Variants in LINGO2 observed in about 807,000 individuals in gnomAD.
LINGO2 encodes leucine-rich repeat and immunoglobulin-like domain-containing nogo receptor-interacting protein 2.
In LINGO2, 14 loss-of-function variants were observed where a neutral mutation model predicts 30.6. The observed-to-expected ratio is 0.46, with a 90% CI of 0.30 to 0.72. The LOEUF is 0.72. Among genes scored for constraint, LINGO2 ranks in the 30% least tolerant of loss-of-function variants. The pLI, the probability that LINGO2 is intolerant of heterozygous loss-of-function variation, is 0.07. For synonymous variants in LINGO2, 317 were observed against 288.5 expected (o/e 1.10, Z -1.00); for missense variants, 729 against 751.7 (o/e 0.97, Z 0.35).
chr9:28,239,019 A>C (rs1821681683), intron 4 of LINGO2, among the ~76,000 whole-genome samples: 1 of 152,188 alleles, frequency 6.6e-6, no homozygotes, highest in African/African-American at 2.4e-5. Flanking sequence ...TCAACTAAAT[A>C]CCAATAAATG....
intron 4 of LINGO2, among the ~76,000 whole-genome samples, chr9:28,107,103 T>G (rs1055871463): frequency 6.6e-6 from 1 of 152,134 alleles, no homozygotes; most frequent in Non-Finnish European, 1.5e-5. Flanking sequence ...ATGGTTTCCT[T>G]GTCTTCCCAA....
the LINGO2 span, among the ~76,000 whole-genome samples, chr9:28,893,749 T>C: frequency 3.3e-5 from 5 of 151,884 alleles, no homozygotes; most frequent in Non-Finnish European, 1.5e-5. Flanking sequence ...AATGGTTTGA[T>C]TTTTTTTAAT....
chr9:28,479,568 A>C (rs984117145), intron 1 of LINGO2, among the ~76,000 whole-genome samples: 2 of 151,914 alleles, frequency 1.3e-5, no homozygotes, highest in African/African-American at 4.8e-5. Flanking sequence ...CAATTTTGAA[A>C]GAATGAAATA....
intron 4 of LINGO2, among the ~76,000 whole-genome samples, chr9:28,278,670 A>G (rs1240329865): frequency 6.6e-6 from 1 of 152,194 alleles, no homozygotes; most frequent in African/African-American, 2.4e-5. Flanking sequence ...CTTACAAAAT[A>G]TTACTGTTCA....
intron 4 of LINGO2, among the ~76,000 whole-genome samples, chr9:28,276,044 C>T (rs890210550): frequency 2.0e-5 from 3 of 152,092 alleles, no homozygotes; most frequent in African/African-American, 7.2e-5. Context: ...ATAGTACTTA[C>T]CTCAGAGAGC....
chr9:28,797,343 TATATATATATATATATAGAGAGAG>T, the LINGO2 span, among the ~76,000 whole-genome samples: 105 of 72,118 alleles, frequency 1.5e-3, 1 homozygote, highest in African/African-American at 4.6e-3. Flanking sequence ...TATATATATA[TATATATATATATATATAGAGAGAG>T]AGAGAGAGAG....
intron 5 of LINGO2, among the ~76,000 whole-genome samples, chr9:27,975,245 G>A (rs1195735652): frequency 5.3e-5 from 8 of 152,088 alleles, no homozygotes; most frequent in Admixed American, 3.3e-4. Flanking sequence ...TGTGATTAAC[G>A]TGCTATTTAA....
chr9:29,064,816 A>G, the LINGO2 span, among the ~76,000 whole-genome samples: 1 of 152,048 alleles, frequency 6.6e-6, no homozygotes, highest in Non-Finnish European at 1.5e-5. Context: ...TGACTTATAA[A>G]TCTATGTTCT....
chr9:28,075,847 T>C (rs75516836), intron 4 of LINGO2, among the ~76,000 whole-genome samples: 2,806 of 152,176 alleles, frequency 0.018, 39 homozygotes, highest in Non-Finnish European at 0.026. Flanking sequence ...TATTATTTCA[T>C]AGCTGCTTTT....
chr9:28,192,223 A>G (rs905616049), intron 4 of LINGO2, among the ~76,000 whole-genome samples: 4 of 152,118 alleles, frequency 2.6e-5, no homozygotes, highest in African/African-American at 9.7e-5. Flanking sequence ...TTACATACAT[A>G]CATGCTCATA....
At chr9:28,175,810 C>T (rs77526969) in intron 4 of LINGO2, among the ~76,000 whole-genome samples, 4 of 152,270 alleles carry the variant, frequency 2.6e-5, no homozygotes, top group South Asian at 2.1e-4. Context: ...ATCTCTCCAG[C>T]GCTCTTAGGT....
intron 3 of LINGO2, among the ~76,000 whole-genome samples, chr9:28,311,238 T>C (rs1365636092): frequency 2.0e-5 from 3 of 151,798 alleles, no homozygotes; most frequent in Non-Finnish European, 4.4e-5. Context: ...CACAAGGTAA[T>C]AGAATATCAC....
chr9:28,321,765 C>T (rs1825051075), intron 3 of LINGO2, among the ~76,000 whole-genome samples: 1 of 152,082 alleles, frequency 6.6e-6, no homozygotes, highest in African/African-American at 2.4e-5. Flanking sequence ...ATATGCTGAA[C>T]ATATTTTAGG....
At chr9:28,087,202 C>T (rs140170000) in intron 4 of LINGO2, among the ~76,000 whole-genome samples, 7 of 152,176 alleles carry the variant, frequency 4.6e-5, no homozygotes, top group Non-Finnish European at 1.0e-4. Context: ...GATACTCCAG[C>T]AGAGATAAGA....
At chr9:28,740,239 C>T in the LINGO2 span, among the ~76,000 whole-genome samples, 2 of 151,530 alleles carry the variant, frequency 1.3e-5, no homozygotes, top group Non-Finnish European at 2.9e-5. Flanking sequence ...TGCTGTTGAA[C>T]AGTATTCTAT....
the LINGO2 span, among the ~76,000 whole-genome samples, chr9:29,171,090 C>T: frequency 4.6e-5 from 7 of 152,064 alleles, no homozygotes; most frequent in South Asian, 2.1e-4. Flanking sequence ...ATTGTAGTAC[C>T]GGACATGCAG....
chr9:28,459,742 T>G (rs183186032), intron 2 of LINGO2, among the ~76,000 whole-genome samples: 1 of 151,830 alleles, frequency 6.6e-6, no homozygotes, highest in African/African-American at 2.4e-5. Context: ...AATCTGGCAT[T>G]CTTATAAGAC....
chr9:28,924,430 A>T, the LINGO2 span, among the ~76,000 whole-genome samples: 1 of 152,132 alleles, frequency 6.6e-6, no homozygotes, highest in Non-Finnish European at 1.5e-5. Flanking sequence ...CATGTTGCCC[A>T]GGCTGGTCTC....
chr9:28,814,231 C>A, the LINGO2 span, among the ~76,000 whole-genome samples: 994 of 152,074 alleles, frequency 6.5e-3, 15 homozygotes, highest in African/African-American at 0.023. Context: ...GAAGTCAAGA[C>A]ATTGAGACCA....
Sources: gnomAD v4.1 joint callset for allele counts (sites outside exome capture counted in the v4.1 genomes callset) on GRCh38, gnomAD v4.1.1 for gene constraint, MANE v1.5 for transcripts, NCBI Gene and HGNC (gene_info 2026-07-23, HGNC 2026-07-21) for gene names.